Variants in COL21A1 observed in about 807,000 individuals in gnomAD.
COL21A1 encodes collagen alpha-1(XXI) chain.
COL21A1 carries 149 observed loss-of-function variants against 137.9 expected under a neutral mutation model. That is an observed-to-expected ratio of 1.08 (90% CI 0.95 to 1.24). The LOEUF is 1.24. Ranked by LOEUF, COL21A1 falls within the 50% of genes most tolerant of loss-of-function variation. The pLI, the probability that COL21A1 is intolerant of heterozygous loss-of-function variation, is 0.00. For synonymous variants in COL21A1, 456 were observed against 391.5 expected (o/e 1.16, Z -1.95); for missense variants, 1,167 against 1,158.4 (o/e 1.01, Z -0.11).
At chr6:56,318,044 G>T (rs917466672) in intron 1 of COL21A1, among the ~76,000 whole-genome samples, 12 of 151,990 alleles carry the variant, frequency 7.9e-5, no homozygotes, top group Non-Finnish European at 1.3e-4. Flanking sequence ...AAAGAAAATC[G>T]GTTAGCACTA....
chr6:56,310,648 A>G (rs925104746), intron 1 of COL21A1, among the ~76,000 whole-genome samples: 3 of 152,186 alleles, frequency 2.0e-5, no homozygotes, highest in Non-Finnish European at 4.4e-5. Context: ...TATAAAAATT[A>G]CTTAGAGGCC....
At chr6:56,161,213 C>G (rs573570670) in intron 9 of COL21A1, among the ~76,000 whole-genome samples, 1 of 152,246 alleles carries the variant, frequency 6.6e-6, no homozygotes, top group East Asian at 1.9e-4. Flanking sequence ...AAAATGGTAT[C>G]TCAGAGCAAA....
intron 22 of COL21A1, 84 bp downstream of exon 22, chr6:56,068,962 T>A (rs1015289720): frequency 6.2e-6 from 5 of 812,778 alleles, no homozygotes; most frequent in African/African-American, 3.5e-5. Context: ...TAATAACAAG[T>A]CCTACTTTAA....
chr6:56,116,310 A>G (rs1171570327), intron 16 of COL21A1, among the ~76,000 whole-genome samples: 1 of 150,296 alleles, frequency 6.7e-6, no homozygotes, highest in Non-Finnish European at 1.5e-5. Context: ...TGGAGCTCCA[A>G]TATGTCTGGT....
Position 56,170,692 on chromosome 6 carries a change from A to G in COL21A1, c.983T>C (p.Ile328Thr), listed in dbSNP as rs1348788432. 1 of 1,604,512 alleles carries G rather than the reference A, an allele frequency of 6.2e-7. No homozygotes were observed. The highest frequency in any genetic ancestry group is 2.2e-5 in the East Asian group (1 of 44,734). The change falls in exon 5 of 30, where the codon ATT (isoleucine) becomes ACT (threonine). Residue 328 changes from isoleucine to threonine, a missense_variant. Transcript: ENST00000244728. ...AAAGGTAACCACTTGTGAGCCATTAATTACGCTGGTTGTTGTAAATAATAA... is the reference window on the plus strand; with the variant it reads ...AAAGGTAACCACTTGTGAGCCATTAGTTACGCTGGTTGTTGTAAATAATAA... The part of the protein sequence containing the change: ...KILLFTTTSV[I>T]NGSQVVTFAN...
intron 16 of COL21A1, among the ~76,000 whole-genome samples, chr6:56,123,224 A>G (rs1300024008): frequency 1.3e-5 from 2 of 152,350 alleles, no homozygotes; most frequent in East Asian, 3.9e-4. Flanking sequence ...AAACCACTGA[A>G]GCATAATTAA....
chr6:56,195,702 C>A (rs1351107180), intron 1 of COL21A1, among the ~76,000 whole-genome samples: 1 of 152,014 alleles, frequency 6.6e-6, no homozygotes, highest in Non-Finnish European at 1.5e-5. Flanking sequence ...AAAATCCTAA[C>A]AGACCTAGAA....
rs190997634 is a variant in COL21A1 at position 56,243,638 on chromosome 6, C to T, written c.-39+3749G>A. On this transcript the variant is annotated intron_variant, in intron 1 of 29. Transcript: ENST00000244728. Reference sequence around the variant, plus strand: ...GCCAGGCACTGTTTTAAGAACTTCACATATGTTAACTCATTTACTCCTCAC... The same window carrying T: ...GCCAGGCACTGTTTTAAGAACTTCATATATGTTAACTCATTTACTCCTCAC... Among the ~76,000 whole-genome samples, 3 of 152,296 alleles carry T rather than the reference C, an allele frequency of 2.0e-5. No homozygotes were observed. The East Asian group carries it at 5.8e-4, about 29-fold the overall frequency.
intron 1 of COL21A1, among the ~76,000 whole-genome samples, chr6:56,234,968 G>A (rs1386137457): frequency 3.3e-5 from 5 of 151,662 alleles, no homozygotes; most frequent in Non-Finnish European, 7.4e-5. Context: ...TTCAGTTCGT[G>A]CATACTGAAA....
intron 1 of COL21A1, among the ~76,000 whole-genome samples, chr6:56,323,012 T>C (rs942876203): frequency 2.0e-5 from 3 of 151,832 alleles, no homozygotes; most frequent in African/African-American, 7.3e-5. Flanking sequence ...CACTGGAGGC[T>C]CAGAAAGGTG....
chr6:56,276,965 G>C (rs1389721204), intron 1 of COL21A1, among the ~76,000 whole-genome samples: 3 of 131,310 alleles, frequency 2.3e-5, no homozygotes, highest in Non-Finnish European at 3.2e-5. Context: ...ATGCCGCCAC[G>C]CCTGGCTAAT....
chr6:56,365,822 A>G (rs1193143290), intron 1 of COL21A1, among the ~76,000 whole-genome samples: 2 of 152,180 alleles, frequency 1.3e-5, no homozygotes, highest in African/African-American at 4.8e-5. Flanking sequence ...CACCATGTAT[A>G]ACAACCACTT....
chr6:56,080,715 T>G (rs2114149514), intron 17 of COL21A1, among the ~76,000 whole-genome samples: 1 of 151,886 alleles, frequency 6.6e-6, no homozygotes, highest in South Asian at 2.1e-4. Flanking sequence ...ATTATCTACC[T>G]TTCTACACAA....
intron 1 of COL21A1, among the ~76,000 whole-genome samples, chr6:56,281,438 G>T (rs1288162686): frequency 6.6e-6 from 1 of 152,040 alleles, no homozygotes; most frequent in African/African-American, 2.4e-5. Flanking sequence ...GTAACAGTGG[G>T]CATCACCCCA....
intron 1 of COL21A1, among the ~76,000 whole-genome samples, chr6:56,295,371 C>A (rs921125225): frequency 2.6e-5 from 4 of 151,920 alleles, no homozygotes; most frequent in Non-Finnish European, 4.4e-5. Context: ...GTTTTGAAGT[C>A]CAGCTATGTC....
intron 1 of COL21A1, among the ~76,000 whole-genome samples, chr6:56,184,569 T>A (rs948530260): frequency 6.6e-6 from 1 of 152,148 alleles, no homozygotes; most frequent in African/African-American, 2.4e-5. Flanking sequence ...TATTAACCAG[T>A]TTCACCTAGT....
At chr6:56,251,027 A>G (rs1782840807), upstream of COL21A1, among the ~76,000 whole-genome samples, 1 of 152,172 alleles carries the variant, frequency 6.6e-6, no homozygotes, top group Admixed American at 6.5e-5. Context: ...GACCCCCAAA[A>G]TTAGAACACA....
At chr6:56,169,794 G>A (rs1456552704) in intron 5 of COL21A1, among the ~76,000 whole-genome samples, 1 of 151,862 alleles carries the variant, frequency 6.6e-6, no homozygotes. Flanking sequence ...TTTCATACCA[G>A]TTGCCTTGAA....
intron 10 of COL21A1, among the ~76,000 whole-genome samples, chr6:56,152,838 G>A (rs1775429848): frequency 6.6e-6 from 1 of 152,186 alleles, no homozygotes; most frequent in East Asian, 1.9e-4. Context: ...GGCATGAGCA[G>A]ATGACATCAG....
Sources: gnomAD v4.1 joint callset for allele counts (sites outside exome capture counted in the v4.1 genomes callset) on GRCh38, gnomAD v4.1.1 for gene constraint, MANE v1.5 for transcripts, NCBI Gene and HGNC (gene_info 2026-07-23, HGNC 2026-07-21) for gene names.